The following COQ10B variants were observed in gnomAD, a reference collection of about 807,000 sequenced individuals.
COQ10B encodes the protein coenzyme Q10B, also known as coenzyme Q-binding protein COQ10 homolog B, mitochondrial.
Under a neutral mutation model 27.6 loss-of-function variants are expected in COQ10B, and 12 were observed. The observed-to-expected ratio is 0.43, with a 90% CI of 0.28 to 0.70. The LOEUF is 0.70. COQ10B is among the 30% of genes least tolerant of loss of function. The pLI, the probability that COQ10B is intolerant of heterozygous loss-of-function variation, is 0.17. For synonymous variants in COQ10B, 115 were observed against 103.0 expected (o/e 1.12, Z -0.71); for missense variants, 278 against 288.7 (o/e 0.96, Z 0.27).
At chr2:197,464,020 CACACACAT>C (rs1301596585) in intron 3 of COQ10B, among the ~76,000 whole-genome samples, 10 of 117,618 alleles carry the variant, frequency 8.5e-5, no homozygotes, top group African/African-American at 2.6e-4. Context: ...CACACACACA[CACACACAT>C]ACATACACAC....
Position 197,470,156 on chromosome 2 carries a change from T to C in COQ10B, c.534T>C (p.Cys178=). 4 of 1,607,368 alleles carry C rather than the reference T, an allele frequency of 2.5e-6. No homozygotes were observed. Among genetic ancestry groups the C allele is most frequent in the Non-Finnish European group, 3.4e-6 (4 of 1,174,228 alleles). Residue 178 remains cysteine (C), a synonymous_variant, in exon 4 of 5, where the codon TGT becomes TGC. Transcript: ENST00000263960. ...SPGLPGYPRT[C]TLDFSISFEF... ...GTCTTCCTGGCTACCCAAGAACTTG[T>C]ACCTTGGATTTTTCAGTAAGTCTCA...
intron 4 of COQ10B, 21 bp downstream of exon 4, chr2:197,470,192 G>A: frequency 7.0e-7 from 1 of 1,438,748 alleles, no homozygotes; most frequent in South Asian, 1.2e-5. Context: ...TAAAGCCCTT[G>A]ATTTGTTCCA....
At chr2:197,462,837 G>T (rs2085776551) in intron 3 of COQ10B, 106 bp downstream of exon 3, 1 of 607,476 alleles carries the variant, frequency 1.6e-6, no homozygotes, top group Non-Finnish European at 2.8e-6. Context: ...CCTAACAGGA[G>T]GAGGGTAAAA....
chr2:197,454,169 A>C lies in COQ10B; in HGVS notation c.104+505A>C, dbSNP rs1021488401. ...TACAAAACTAAATACAGCCAGCATAAGGGACTTGGATTTTTTCACTCTGCT... is the reference window on the plus strand; with the variant it reads ...TACAAAACTAAATACAGCCAGCATACGGGACTTGGATTTTTTCACTCTGCT... On this transcript the variant is annotated intron_variant, in intron 1 of 4. Coordinates refer to ENST00000263960, the MANE Select transcript of COQ10B (RefSeq NM_025147.5). 23 of 1,523,694 alleles carry C rather than the reference A, an allele frequency of 1.5e-5. No individual in the cohort carries two copies. The Admixed American group carries it at 3.3e-4, about 22-fold the overall frequency. 94.4% of individuals were successfully genotyped at this position (1,523,694 alleles called of 1,614,324 possible).
chr2:197,463,630 AAAG>A (rs1210366429), intron 3 of COQ10B, among the ~76,000 whole-genome samples: 1 of 151,062 alleles, frequency 6.6e-6, no homozygotes, highest in African/African-American at 2.4e-5. Flanking sequence ...ATAAAAATGA[AAAG>A]AAAAAATATA....
chr2:197,460,178 G>A, intron 2 of COQ10B, 97 bp downstream of exon 2: 2 of 770,672 alleles, frequency 2.6e-6, no homozygotes, highest in South Asian at 5.0e-5. Flanking sequence ...TCTTCTTACA[G>A]ACTAAGCTCT....
rs2085920402 is a variant in COQ10B, at chr2:197,473,905, A to G, written c.698A>G (p.His233Arg). The G allele has an allele frequency of 6.4e-7, 1 of 1,570,550 alleles. No individual in the cohort carries two copies. The highest frequency in any genetic ancestry group is 8.6e-7 in the Non-Finnish European group (1 of 1,156,112). ...AATATACCTCGGGAGTTAATGCTTC[A>G]TGAAGTCCATCACACATAAAGGCAA... ...ETNIPRELML[H>R]EVHHT is the part of the protein sequence containing the mutation. Residue 233 changes from histidine (H) to arginine (R), a missense_variant, in exon 5 of 5, where the codon CAT (histidine) becomes CGT (arginine). This residue lies in a region of COQ10B where 83 missense variants were observed against 104.5 expected (regional missense o/e 0.79). Coordinates refer to ENST00000263960, the MANE Select transcript of COQ10B (RefSeq NM_025147.5).
At chr2:197,470,612 C>A (rs564023021) in intron 4 of COQ10B, among the ~76,000 whole-genome samples, 21 of 152,022 alleles carry the variant, frequency 1.4e-4, no homozygotes, top group Non-Finnish European at 2.5e-4. Flanking sequence ...ATAAAATTAT[C>A]GGCTGGATGG....
At chr2:197,460,764 C>T (rs2085749217) in intron 2 of COQ10B, among the ~76,000 whole-genome samples, 1 of 152,164 alleles carries the variant, frequency 6.6e-6, no homozygotes, top group Admixed American at 6.5e-5. Context: ...CAGATAGTAA[C>T]TATATTAGGT....
chr2:197,473,441 TACAC>T (rs1361911016), intron 4 of COQ10B, among the ~76,000 whole-genome samples: 1 of 98,200 alleles, frequency 1.0e-5, no homozygotes, highest in Non-Finnish European at 1.9e-5. Context: ...TATATATATA[TACAC>T]ATATATACAT....
intron 4 of COQ10B, among the ~76,000 whole-genome samples, chr2:197,473,413 A>ATATATAT (rs1272008900): frequency 8.2e-4 from 48 of 58,604 alleles, no homozygotes; most frequent in Non-Finnish European, 1.3e-3. Context: ...AAAAAAAAAA[A>ATATATAT]AAATATATAT....
chr2:197,460,467 A>G (rs931462466), intron 2 of COQ10B, among the ~76,000 whole-genome samples: 1 of 152,166 alleles, frequency 6.6e-6, no homozygotes, highest in Non-Finnish European at 1.5e-5. Flanking sequence ...CTGGGATTAC[A>G]GTCATGAGCC....
At chr2:197,471,568 A>C (rs777668425) in intron 4 of COQ10B, among the ~76,000 whole-genome samples, 9 of 152,166 alleles carry the variant, frequency 5.9e-5, no homozygotes, top group Non-Finnish European at 1.3e-4. Context: ...AATTTTAAGA[A>C]ATGGTGGCAA....
rs550473136 is a variant in COQ10B, at chr2:197,472,839, A to ACAC, written c.550-915_550-913dup. Among the ~76,000 whole-genome samples, 32 of 150,196 alleles carry ACAC rather than the reference A, an allele frequency of 2.1e-4. No individual in the cohort carries two copies. The East Asian group carries it at 5.9e-3, about 27-fold the overall frequency. ...AAAAAAAAGAAAGATTAAACCACTT[A>ACAC]CACCATCTGCCCTGTGGGTTAGGCA... On this transcript the variant is annotated intron_variant, in intron 4 of 4. Coordinates refer to ENST00000263960, the MANE Select transcript of COQ10B (RefSeq NM_025147.5).
intron 1 of COQ10B, among the ~76,000 whole-genome samples, chr2:197,454,536 T>A (rs1474851369): frequency 6.6e-6 from 1 of 152,006 alleles, no homozygotes; most frequent in Non-Finnish European, 1.5e-5. Flanking sequence ...ACCAACAACC[T>A]TACCAAATCC....
At chr2:197,466,992 CT>C (rs1449900600) in intron 3 of COQ10B, among the ~76,000 whole-genome samples, 1 of 150,184 alleles carries the variant, frequency 6.7e-6, no homozygotes, top group Non-Finnish European at 1.5e-5. Flanking sequence ...GTTGCCCAGG[CT>C]GGAGTGCAAT....
chr2:197,461,161 G>C (rs1000222941), intron 2 of COQ10B, among the ~76,000 whole-genome samples: 1 of 152,168 alleles, frequency 6.6e-6, no homozygotes, highest in African/African-American at 2.4e-5. Context: ...TATTAGTTAA[G>C]GTAATGCTAA....
intron 4 of COQ10B, among the ~76,000 whole-genome samples, chr2:197,470,665 C>T (rs1279408890): frequency 7.2e-5 from 11 of 152,066 alleles, no homozygotes; most frequent in South Asian, 6.2e-4. Flanking sequence ...GAGGCTGAGG[C>T]GGGCAGATCA....
rs889977214 is a variant in COQ10B at position 197,474,898 on chromosome 2, G to T, written c.*974G>T. ...TTTGCCACTTTCTCCGAGGTAGTTT[G>T]GCTGCTCTTTCAGTAATGCTAATTG... On this transcript the variant is annotated 3_prime_UTR_variant, in exon 5 of 5. Coordinates refer to ENST00000263960, the MANE Select transcript of COQ10B (RefSeq NM_025147.5). The T allele has an allele frequency of 2.5e-4, 37 of 145,326 alleles. No homozygotes were observed. The highest frequency in any genetic ancestry group is 4.0e-3 in the Middle Eastern group (1 of 250). 9.0% of individuals were successfully genotyped at this position (145,326 alleles called of 1,614,324 possible). A position where few individuals can be genotyped will look rare whatever the true frequency, so the allele number is the denominator to read the frequency against.
Sources: gnomAD v4.1 joint callset for allele counts (sites outside exome capture counted in the v4.1 genomes callset) on GRCh38, gnomAD v4.1.1 for gene constraint, gnomAD v4.1.1 regional missense constraint, MANE v1.5 for transcripts, NCBI Gene and HGNC (gene_info 2026-07-23, HGNC 2026-07-21) for gene names.